Variants in ITGA11 observed in about 807,000 individuals in gnomAD.
The protein encoded by ITGA11 is integrin subunit alpha 11, also known as integrin alpha-11.
A neutral mutation model predicts 141.9 loss-of-function variants in ITGA11; 97 were observed. The ratio of observed to expected loss-of-function variants is 0.68; its 90% CI spans 0.58 to 0.81. ITGA11 has a LOEUF of 0.81. ITGA11 is among the 30% of genes least tolerant of loss of function. The probability of loss-of-function intolerance (pLI) is 0.00; values close to 1 mark genes in which losing one functional copy is unlikely to be tolerated. For missense variants in ITGA11, 1,387 were observed against 1,559.2 expected, an observed-to-expected ratio of 0.89 and a Z score of 1.86; for synonymous variants, 658 against 624.6, an observed-to-expected ratio of 1.05 and a Z score of -0.80.
rs749667260 is a variant in ITGA11, at chr15:68,331,894, C to T, written c.1735G>A (p.Gly579Ser). 5.8e-5 allele frequency: 93 copies of T among 1,613,004 alleles called. No homozygotes were observed. In the South Asian group the frequency reaches 7.8e-4, roughly 14 times the overall value. The change falls in exon 14 of 30, where the codon GGC (glycine) becomes AGC (serine). Residue 579 changes from glycine (G) to serine (S), a missense_variant. Transcript: ENST00000315757. ...GTCTTCAGGATGCTGCCTCGGAAGCCGTGGAAGATGTAGATGGCTCCTGCG... is the reference window on the plus strand; with the variant it reads ...GTCTTCAGGATGCTGCCTCGGAAGCTGTGGAAGATGTAGATGGCTCCTGCG... ...NHAGAIYIFH[G>S]FRGSILKTPK...
chr15:68,419,546 C>T (rs966897366), intron 1 of ITGA11, among the ~76,000 whole-genome samples: 1 of 152,204 alleles, frequency 6.6e-6, no homozygotes, highest in African/African-American at 2.4e-5. Context: ...ACTGAGTGTA[C>T]CCATTGTTTG....
rs1488502107 is a variant in ITGA11 at position 68,361,614 on chromosome 15, T to C, written c.448A>G (p.Lys150Glu). Residue 150 changes from lysine to glutamate, a missense_variant, in exon 5 of 30, where the codon AAG (lysine) becomes GAG (glutamate). Coordinates refer to ENST00000315757, the MANE Select transcript of ITGA11 (RefSeq NM_001004439.2). The part of the protein sequence containing the change: ...SRVNSNFRFS[K>E]TVAPALQRCQ... ...CTTTGGAGAGCTGGGGCCACGGTCT[T>C]GGAGAACCTGAAGTTGGAGTTGACT... 6 of 1,608,380 alleles carry C rather than the reference T, an allele frequency of 3.7e-6. No individual in the cohort carries two copies. The South Asian group carries it at 5.6e-5, about 15-fold the overall frequency.
chr15:68,313,992 G>A (rs370711647), intron 22 of ITGA11, 124 bp from the exon 23 acceptor site: 16 of 704,460 alleles, frequency 2.3e-5, no homozygotes, highest in Non-Finnish European at 4.0e-5. Context: ...CACCAGACAG[G>A]CCAGACAGGG....
At chr15:68,348,398 C>T (rs1042989610) in intron 10 of ITGA11, among the ~76,000 whole-genome samples, 11 of 152,360 alleles carry the variant, frequency 7.2e-5, no homozygotes, top group African/African-American at 2.4e-4. Flanking sequence ...CTATCCAAAG[C>T]ACGTGCCATT....
intron 6 of ITGA11, among the ~76,000 whole-genome samples, chr15:68,357,936 C>T (rs1895120948): frequency 6.6e-6 from 1 of 152,174 alleles, no homozygotes; most frequent in South Asian, 2.1e-4. Context: ...TTTTTAACAG[C>T]CCTAATCGTT....
At chr15:68,388,178 G>T (rs574279457) in intron 2 of ITGA11, among the ~76,000 whole-genome samples, 3 of 152,206 alleles carry the variant, frequency 2.0e-5, no homozygotes, top group African/African-American at 7.2e-5. Context: ...CAATCATCCT[G>T]CAGCCTCTTG....
In ITGA11 at chr15:68,331,042, G is replaced by T; in HGVS notation, c.1840C>A (p.Leu614Ile). Residue 614 changes from leucine to isoleucine, a missense_variant, in exon 15 of 30, where the codon CTC becomes ATC. By Grantham distance (5) the Leu-to-Ile change is conservative (BLOSUM62 2). Coordinates refer to ENST00000315757, the MANE Select transcript of ITGA11 (RefSeq NM_001004439.2). ...FGCSIHGQLD[L>I]NEDGLIDLAV... is the part of the protein sequence containing the mutation. ...AGGTCGATGAGCCCATCCTCATTGAGGTCCAATTGCCCGTGGATGCTGCAG... is the reference window on the plus strand; with the variant it reads ...AGGTCGATGAGCCCATCCTCATTGATGTCCAATTGCCCGTGGATGCTGCAG... 1 of 1,613,022 alleles carries T rather than the reference G, an allele frequency of 6.2e-7. No homozygotes were observed. Among genetic ancestry groups the T allele is most frequent in the South Asian group, 1.1e-5 (1 of 90,746 alleles).
intron 22 of ITGA11, among the ~76,000 whole-genome samples, chr15:68,314,118 C>T (rs1261855628): frequency 2.0e-5 from 3 of 152,198 alleles, no homozygotes; most frequent in Non-Finnish European, 4.4e-5. Flanking sequence ...ACCTGGGAGG[C>T]CTGTGCCTGG....
chr15:68,388,321 T>C (rs1896033812), intron 2 of ITGA11, among the ~76,000 whole-genome samples: 1 of 152,118 alleles, frequency 6.6e-6, no homozygotes, highest in Non-Finnish European at 1.5e-5. Context: ...CTGCCTGGAA[T>C]TCCTTCTCAG....
At chr15:68,414,291 G>A (rs1170901431) in intron 1 of ITGA11, among the ~76,000 whole-genome samples, 1 of 152,184 alleles carries the variant, frequency 6.6e-6, no homozygotes, top group African/African-American at 2.4e-5. Flanking sequence ...GTCTCCCTGA[G>A]GTCTTCTAGG....
chr15:68,374,521 G>C (rs1326454945), intron 2 of ITGA11, among the ~76,000 whole-genome samples: 2 of 152,200 alleles, frequency 1.3e-5, no homozygotes, highest in Non-Finnish European at 2.9e-5. Context: ...CTGACTCCTA[G>C]GGTGGTGCTT....
Position 68,297,622 on chromosome 15 carries a change from G to T in ITGA11, c.*5437C>A, listed in dbSNP as rs1170793506. The T allele has an allele frequency of 6.6e-6, 1 of 151,052 alleles. No individual in the cohort carries two copies. The highest frequency in any genetic ancestry group is 1.5e-5 in the Non-Finnish European group (1 of 67,692). 9.4% of individuals were successfully genotyped at this position (151,052 alleles called of 1,614,324 possible). On this transcript the variant is annotated 3_prime_UTR_variant, in exon 30 of 30. Coordinates refer to ENST00000315757, the MANE Select transcript of ITGA11 (RefSeq NM_001004439.2). ...ATGTTTTTACAAAAGCACTGTAATG[G>T]TTTTTTTTGTTTTTAAAGAAATAAA...
chr15:68,312,012 A>G (rs2414994), intron 24 of ITGA11, among the ~76,000 whole-genome samples: 145,919 of 152,270 alleles, frequency 0.96, 70,001 homozygotes, highest in Middle Eastern at 0.99. Context: ...AGGGCTCAGC[A>G]TGTCTGAAGT....
At position 68,315,682 on chromosome 15, in the gene ITGA11, G is replaced by A. The variant is rs1198911274; in HGVS notation, c.2761C>T (p.His921Tyr). The change falls in exon 22 of 30, where the codon CAC becomes TAC. Residue 921 changes from histidine (H) to tyrosine (Y), a missense_variant. Physicochemically the swap from His to Tyr is moderately conservative, Grantham distance 83. Transcript: ENST00000315757. ...GCAGCGAGCTCGATCTCCAGGTGGT[G>A]TAGGAAGATGGATTTGCTGAACTCA... is the stretch of plus-strand genomic sequence containing the variant. ...DFEFSKSIFL[H>Y]HLEIELAAGS... The A allele has an allele frequency of 1.2e-6, 2 of 1,613,404 alleles. No individual in the cohort carries two copies. The highest frequency in any genetic ancestry group is 1.7e-6 in the Non-Finnish European group (2 of 1,179,634).
Position 68,312,770 on chromosome 15 carries a change from C to T in ITGA11, c.2973+3G>A, listed in dbSNP as rs756858297. Reference sequence around the variant, plus strand: ...CCTCTACCCGGCTCCCCTCCAGCCTCACCCTGAAGATGCAGCTGAAGGGAG... The same window carrying T: ...CCTCTACCCGGCTCCCCTCCAGCCTTACCCTGAAGATGCAGCTGAAGGGAG... On this transcript the variant is annotated splice_donor_region_variant and intron_variant, in intron 24 of 29. Coordinates refer to ENST00000315757, the MANE Select transcript of ITGA11 (RefSeq NM_001004439.2). 1.4e-5 allele frequency: 23 copies of T among 1,610,860 alleles called. No homozygotes were observed. The highest frequency in any genetic ancestry group is 2.2e-5 in the East Asian group (1 of 44,846).
At chr15:68,320,462 G>C in intron 19 of ITGA11, 70 bp from the exon 20 acceptor site, 1 of 1,373,160 alleles carries the variant, frequency 7.3e-7, no homozygotes, top group East Asian at 2.5e-5. Context: ...GGAGCCCCAG[G>C]GTTGGGGCAA....
At chr15:68,354,713 G>C (rs192889772) in intron 7 of ITGA11, among the ~76,000 whole-genome samples, 2 of 152,256 alleles carry the variant, frequency 1.3e-5, no homozygotes, top group Admixed American at 6.5e-5. Flanking sequence ...GCCACTCCAT[G>C]GGGGCCCCTC....
intron 10 of ITGA11, among the ~76,000 whole-genome samples, chr15:68,348,097 C>T (rs973110584): frequency 1.3e-5 from 2 of 152,242 alleles, no homozygotes; most frequent in African/African-American, 4.8e-5. Flanking sequence ...GACATCGACT[C>T]TTCTGTCCCC....
At chr15:68,340,313 C>T (rs4777040) in intron 10 of ITGA11, among the ~76,000 whole-genome samples, 99,898 of 151,838 alleles carry the variant, frequency 0.66, 36,752 homozygotes, top group East Asian at 0.83. Context: ...AGATGGGGGT[C>T]AGGAAAAGTC....
Sources: gnomAD v4.1 joint callset for allele counts (sites outside exome capture counted in the v4.1 genomes callset) on GRCh38, gnomAD v4.1.1 for gene constraint, MANE v1.5 for transcripts, NCBI Gene and HGNC (gene_info 2026-07-23, HGNC 2026-07-21) for gene names.